Variants in FRS2 observed in about 807,000 individuals in gnomAD.
FRS2 encodes the protein FGFR signalling adaptor.
FRS2 carries 8 observed loss-of-function variants against 43.9 expected under a neutral mutation model. The observed-to-expected ratio is 0.18, with a 90% CI of 0.11 to 0.33. FRS2 has a LOEUF of 0.33. Ranked by LOEUF, FRS2 falls within the 10% of genes least tolerant of loss-of-function variation. FRS2 has a pLI of 1.00. For missense variants in FRS2, 534 were observed against 627.6 expected, an observed-to-expected ratio of 0.85 and a Z score of 1.59; for synonymous variants, 219 against 220.3, an observed-to-expected ratio of 0.99 and a Z score of 0.05.
At chr12:69,491,905 C>T (rs2120945056) in intron 1 of FRS2, among the ~76,000 whole-genome samples, 1 of 152,280 alleles carries the variant, frequency 6.6e-6, no homozygotes, top group East Asian at 1.9e-4. Flanking sequence ...CGTGGATATA[C>T]AATAGCATTT....
intron 1 of FRS2, among the ~76,000 whole-genome samples, chr12:69,529,622 A>AAAAT (rs36140969): frequency 0.027 from 4,001 of 149,964 alleles, 137 homozygotes; most frequent in African/African-American, 0.078. Context: ...CCCTGTCTCA[A>AAAAT]AAATAAATAA....
chr12:69,525,857 T>C (rs1876171110), intron 1 of FRS2, among the ~76,000 whole-genome samples: 2 of 151,960 alleles, frequency 1.3e-5, no homozygotes, highest in African/African-American at 4.8e-5. Context: ...TTATTTTGAT[T>C]TTAATTTCAT....
At chr12:69,510,738 A>G (rs1281518884) in intron 1 of FRS2, among the ~76,000 whole-genome samples, 1 of 152,206 alleles carries the variant, frequency 6.6e-6, no homozygotes, top group Non-Finnish European at 1.5e-5. Context: ...AATAGCTAGC[A>G]TGGAATGTGG....
chr12:69,494,100 A>T (rs1271771487), intron 1 of FRS2, among the ~76,000 whole-genome samples: 1 of 152,216 alleles, frequency 6.6e-6, no homozygotes, highest in Non-Finnish European at 1.5e-5. Context: ...ATTTTGCACA[A>T]TGCAATTTAT....
chr12:69,491,504 C>CTTTTTTTTTTTTTTT (rs1181575947), intron 1 of FRS2: 3 of 113,968 alleles, frequency 2.6e-5, no homozygotes. Flanking sequence ...GCGTTTCTTC[C>CTTTTTTTTTTTTTTT]ATTTTTTTTT....
intron 3 of FRS2, among the ~76,000 whole-genome samples, chr12:69,554,331 TC>T (rs1879160423): frequency 6.6e-6 from 1 of 152,204 alleles, no homozygotes; most frequent in Admixed American, 6.5e-5. Flanking sequence ...GGTGTGTTCA[TC>T]TAGTCTCTTT....
At chr12:69,563,491 A>C (rs1880033534) in intron 4 of FRS2, among the ~76,000 whole-genome samples, 2 of 151,984 alleles carry the variant, frequency 1.3e-5, no homozygotes. Flanking sequence ...TCCTGACTGG[A>C]TGTCATGATC....
At chr12:69,524,671 T>C (rs1876023733) in intron 1 of FRS2, among the ~76,000 whole-genome samples, 1 of 152,042 alleles carries the variant, frequency 6.6e-6, no homozygotes, top group Non-Finnish European at 1.5e-5. Context: ...AAATCTCCTA[T>C]GGGGGCAGGT....
intron 1 of FRS2, among the ~76,000 whole-genome samples, chr12:69,507,079 T>C (rs1874007871): frequency 6.6e-6 from 1 of 152,226 alleles, no homozygotes; most frequent in Admixed American, 6.5e-5. Flanking sequence ...GACCTTGGGC[T>C]TCCCTGCTTC....
intron 1 of FRS2, among the ~76,000 whole-genome samples, chr12:69,526,873 G>A (rs1312618620): frequency 4.6e-5 from 7 of 152,072 alleles, no homozygotes; most frequent in Non-Finnish European, 1.0e-4. Context: ...ACAGGCGCGT[G>A]CCACCACGCC....
chr12:69,488,908 G>T (rs1444287581), intron 1 of FRS2, among the ~76,000 whole-genome samples: 1 of 152,212 alleles, frequency 6.6e-6, no homozygotes. Context: ...CTGCTTAGAA[G>T]ACTACTAGGT....
rs1881140316 is a variant in FRS2 at position 69,575,578 on chromosome 12, G to A, written c.*623G>A. 1 of 152,584 alleles carries A rather than the reference G, an allele frequency of 6.6e-6. No individual in the cohort carries two copies. Among genetic ancestry groups the A allele is most frequent in the African/African-American group, 2.4e-5 (1 of 41,436 alleles). 9.5% of individuals were successfully genotyped at this position (152,584 alleles called of 1,614,324 possible). ...TTTGCTGTTGGTGCACTGAAAGGCAGGAAGGAGACAAGATTTTCTATTTAC... is the reference window on the plus strand; with the variant it reads ...TTTGCTGTTGGTGCACTGAAAGGCAAGAAGGAGACAAGATTTTCTATTTAC... On this transcript the variant is annotated 3_prime_UTR_variant, in exon 9 of 9. Transcript: ENST00000549921.
intron 1 of FRS2, among the ~76,000 whole-genome samples, chr12:69,514,775 G>A (rs1874818767): frequency 6.6e-6 from 1 of 151,772 alleles, no homozygotes; most frequent in Non-Finnish European, 1.5e-5. Context: ...GGAGGTTGCA[G>A]TGAGCTAAAT....
chr12:69,534,349 C>T (rs139601344), intron 3 of FRS2, among the ~76,000 whole-genome samples: 2,524 of 152,158 alleles, frequency 0.017, 145 homozygotes, highest in Admixed American at 0.12. Context: ...TTTTCAGCTA[C>T]GTGCTTTTAG....
intron 1 of FRS2, among the ~76,000 whole-genome samples, chr12:69,520,916 T>G (rs921844599): frequency 1.1e-4 from 17 of 152,136 alleles, no homozygotes; most frequent in Non-Finnish European, 1.9e-4. Flanking sequence ...TTGTGGTGGT[T>G]GTTCCGTATA....
rs921608289 is a variant in FRS2, at chr12:69,576,042, C to G, written c.*1087C>G. The G allele has an allele frequency of 3.9e-5, 6 of 152,594 alleles. No individual in the cohort carries two copies. Among genetic ancestry groups the G allele is most frequent in the South Asian group, 2.1e-4 (1 of 4,834 alleles). The allele number at this position is 152,594 out of a possible 1,614,324, so 9.5% of individuals were successfully genotyped here. ...TACTTTTCAAGTTGATAAAAACATT[C>G]TCCAATTCTAAATTTGCTTGTGTCC... On this transcript the variant is annotated 3_prime_UTR_variant, in exon 9 of 9. Transcript: ENST00000549921.
chr12:69,485,548 T>G (rs1871852031), intron 1 of FRS2, among the ~76,000 whole-genome samples: 1 of 151,938 alleles, frequency 6.6e-6, no homozygotes, highest in Non-Finnish European at 1.5e-5. Context: ...AGTGGTGCGA[T>G]CTTGGCTCAC....
At chr12:69,540,812 T>C (rs898611180) in intron 3 of FRS2, among the ~76,000 whole-genome samples, 2 of 152,172 alleles carry the variant, frequency 1.3e-5, no homozygotes, top group Non-Finnish European at 2.9e-5. Flanking sequence ...TGATAAGTCA[T>C]GTTGATAGTG....
chr12:69,484,013 A>G (rs1382559181), intron 1 of FRS2, among the ~76,000 whole-genome samples: 1 of 152,176 alleles, frequency 6.6e-6, no homozygotes, highest in Non-Finnish European at 1.5e-5. Context: ...TTTCATGAAG[A>G]GTAAAATTGA....
Sources: gnomAD v4.1 joint callset for allele counts (sites outside exome capture counted in the v4.1 genomes callset) on GRCh38, gnomAD v4.1.1 for gene constraint, MANE v1.5 for transcripts, NCBI Gene and HGNC (gene_info 2026-07-23, HGNC 2026-07-21) for gene names.